Variants in HYDIN observed in about 807,000 individuals in gnomAD.
The protein encoded by HYDIN is HYDIN axonemal central pair apparatus protein.
Under a neutral mutation model 403.9 loss-of-function variants are expected in HYDIN, and 132 were observed. The observed-to-expected ratio is 0.33, with a 90% CI of 0.28 to 0.38. HYDIN has a LOEUF of 0.38. HYDIN is among the 10% of genes least tolerant of loss of function. The pLI is 1.00. For missense variants in HYDIN, 2,827 were observed against 5,009.5 expected, an observed-to-expected ratio of 0.56 and a Z score of 13.15; for synonymous variants, 1,202 against 1,891.7, an observed-to-expected ratio of 0.64 and a Z score of 9.46.
chr16:71,021,029 C>G (rs1048023361), intron 21 of HYDIN, among the ~76,000 whole-genome samples: 2 of 150,198 alleles, frequency 1.3e-5, no homozygotes, highest in African/African-American at 4.9e-5. Context: ...ATAAATATAG[C>G]TATCATTATA....
intron 10 of HYDIN, among the ~76,000 whole-genome samples, chr16:71,098,708 C>T (rs2083361003): frequency 6.8e-6 from 1 of 147,166 alleles, no homozygotes; most frequent in South Asian, 2.1e-4. Context: ...AAACTTTCTC[C>T]ATCTGTTACC....
chr16:70,912,009 G>C (rs1407284605), intron 47 of HYDIN, among the ~76,000 whole-genome samples: 1 of 151,806 alleles, frequency 6.6e-6, no homozygotes, highest in Non-Finnish European at 1.5e-5. Flanking sequence ...GATCTTTCTA[G>C]GGAGTCTTCA....
At chr16:71,211,146 G>A (rs1239459212) in intron 1 of HYDIN, among the ~76,000 whole-genome samples, 1 of 152,010 alleles carries the variant, frequency 6.6e-6, no homozygotes, top group African/African-American at 2.4e-5. Flanking sequence ...TCTCTAGCAA[G>A]TCATAAAACC....
chr16:71,000,761 C>T (rs953527779), intron 23 of HYDIN, among the ~76,000 whole-genome samples: 18 of 151,680 alleles, frequency 1.2e-4, no homozygotes, highest in South Asian at 4.2e-4. Context: ...GCTGACCCAC[C>T]GCAGCAGAAG....
At chr16:70,999,278 G>C (rs2079625902) in intron 23 of HYDIN, among the ~76,000 whole-genome samples, 1 of 151,830 alleles carries the variant, frequency 6.6e-6, no homozygotes. Flanking sequence ...AACTTCCCAA[G>C]GTGATTCTAA....
At chr16:71,125,180 C>T (rs1272241920) in intron 9 of HYDIN, among the ~76,000 whole-genome samples, 7 of 152,178 alleles carry the variant, frequency 4.6e-5, no homozygotes, top group Admixed American at 1.3e-4. Flanking sequence ...CAGCCCTCTG[C>T]AATTTCCTTT....
chr16:71,193,029 T>G (rs1249116150), intron 1 of HYDIN, among the ~76,000 whole-genome samples: 1 of 152,222 alleles, frequency 6.6e-6, no homozygotes, highest in Non-Finnish European at 1.5e-5. Flanking sequence ...CTTTCTCTAG[T>G]GCACTCGAGG....
chr16:71,024,101 A>C (rs2080600103), intron 21 of HYDIN, among the ~76,000 whole-genome samples: 1 of 152,194 alleles, frequency 6.6e-6, no homozygotes, highest in Non-Finnish European at 1.5e-5. Context: ...GACCTTAATA[A>C]ACATTCCATT....
chr16:70,990,543 T>G (rs1465583868), intron 25 of HYDIN, among the ~76,000 whole-genome samples: 2 of 150,828 alleles, frequency 1.3e-5, no homozygotes, highest in Non-Finnish European at 3.0e-5. Context: ...TCTTAATATA[T>G]CAAAGATTGT....
At chr16:70,991,553 C>A (rs1178288188) in intron 24 of HYDIN, among the ~76,000 whole-genome samples, 157 bp from the exon 25 acceptor site, 4 of 151,918 alleles carry the variant, frequency 2.6e-5, no homozygotes, top group Non-Finnish European at 4.4e-5. Context: ...AAGAGGTCAG[C>A]TGGTCAGGGC....
At chr16:70,826,914 G>A (rs1215530727) in intron 83 of HYDIN, among the ~76,000 whole-genome samples, 1 of 101,394 alleles carries the variant, frequency 9.9e-6, no homozygotes, top group Non-Finnish European at 1.9e-5. Context: ...ATCCACACAT[G>A]CTCCTTTTCT....
intron 65 of HYDIN, 32 bp from the exon 66 acceptor site, chr16:70,868,820 G>A (rs755661698): frequency 3.8e-6 from 6 of 1,585,674 alleles, no homozygotes; most frequent in Non-Finnish European, 5.2e-6. Flanking sequence ...GTATTTTTGA[G>A]AATCCGATCT....
intron 53 of HYDIN, among the ~76,000 whole-genome samples, chr16:70,899,751 C>G (rs537661950): frequency 1.3e-5 from 2 of 152,228 alleles, no homozygotes; most frequent in African/African-American, 4.8e-5. Flanking sequence ...GGTTATTGCA[C>G]GTAAGAGGGA....
rs537666226 is a variant in HYDIN, at chr16:71,031,883, T to C, written c.2564A>G (p.Asn855Ser). The change falls in exon 19 of 86, where the codon AAT becomes AGT. Residue 855 changes from asparagine (N) to serine (S), a missense_variant. By Grantham distance (46) the Asn-to-Ser change is conservative. Transcript: ENST00000393567. ...AGTTTCTGGAGGAACCATGCCTTCA[T>C]TGGGTTCAATCGTCCAAAGGGATTT... is the stretch of plus-strand genomic sequence containing the variant. ...HKKSLWTIEP[N>S]EGMVPPETDV... 6.6e-5 allele frequency: 81 copies of C among 1,224,592 alleles called. No individual in the cohort carries two copies. The highest frequency in any genetic ancestry group is 5.7e-4 in the African/African-American group (37 of 65,248). The allele number at this position is 1,224,592 out of a possible 1,614,324, so 75.9% of individuals were successfully genotyped here. A position where few individuals can be genotyped will look rare whatever the true frequency, so the allele number is the denominator to read the frequency against.
chr16:71,116,438 C>T (rs1249303195), intron 9 of HYDIN, among the ~76,000 whole-genome samples: 2 of 152,184 alleles, frequency 1.3e-5, no homozygotes, highest in African/African-American at 4.8e-5. Flanking sequence ...TGTCGCTGGA[C>T]ACTTCGGTTG....
chr16:70,938,454 G>A (rs1230462329), intron 44 of HYDIN, among the ~76,000 whole-genome samples, 160 bp downstream of exon 44: 2 of 152,220 alleles, frequency 1.3e-5, no homozygotes, highest in Middle Eastern at 3.2e-3. Flanking sequence ...CTTGATGGGC[G>A]GGATGCATCT....
intron 57 of HYDIN, among the ~76,000 whole-genome samples, chr16:70,890,799 C>T (rs1774347): frequency 3.3e-5 from 5 of 150,832 alleles, no homozygotes; most frequent in South Asian, 2.1e-4. Context: ...AGCTTTGTGA[C>T]GGTGTCTTCA....
At chr16:71,156,890 C>T (rs2085792189) in intron 6 of HYDIN, among the ~76,000 whole-genome samples, 1 of 152,182 alleles carries the variant, frequency 6.6e-6, no homozygotes, top group South Asian at 2.1e-4. Context: ...TCAAATTTAA[C>T]AATAATTGCT....
rs1447474761 is a variant in HYDIN at position 70,850,023 on chromosome 16, T to C, written c.12652-76A>G. On this transcript the variant is annotated intron_variant, in intron 74 of 85. Coordinates refer to ENST00000393567, the MANE Select transcript of HYDIN (RefSeq NM_001270974.2). ...GGGGTCAGCATTTGTAACATGTTGA[T>C]GAAAAATATCCTTTGGGAAATAAGG... 4.4e-5 allele frequency: 26 copies of C among 594,854 alleles called. No individual in the cohort carries two copies. In the East Asian group the frequency reaches 7.2e-4, roughly 16 times the overall value. The allele number at this position is 594,854 out of a possible 1,614,324, so 36.8% of individuals were successfully genotyped here.
Sources: allele counts gnomAD v4.1 joint callset (sites outside exome capture counted in the v4.1 genomes callset), GRCh38; gene constraint gnomAD v4.1.1; transcripts MANE v1.5; gene names NCBI Gene and HGNC (gene_info 2026-07-23, HGNC 2026-07-21).